The following KIF26B variants were observed in gnomAD, a reference collection of about 807,000 sequenced individuals.
KIF26B encodes kinesin-like protein KIF26B.
A neutral mutation model predicts 151.2 loss-of-function variants in KIF26B; 63 were observed. The ratio of observed to expected loss-of-function variants is 0.42; its 90% confidence interval spans 0.34 to 0.51. The LOEUF is 0.51. Among genes scored for constraint, KIF26B ranks in the 20% least tolerant of loss-of-function variants. The probability of loss-of-function intolerance (pLI) is 0.07; values close to 1 mark genes in which losing one functional copy is unlikely to be tolerated. For missense variants in KIF26B, 2,813 were observed against 2,913.6 expected (o/e 0.97, Z 0.79); for synonymous variants, 1,357 against 1,262.1 (o/e 1.08, Z -1.59).
intron 2 of KIF26B, among the ~76,000 whole-genome samples, chr1:245,212,125 C>T (rs1669547900): frequency 6.6e-6 from 1 of 152,194 alleles, no homozygotes; most frequent in Admixed American, 6.5e-5. Context: ...ATGCTCTAGG[C>T]AGAAGTGGGC....
chr1:245,548,396 A>G (rs1661799626), intron 5 of KIF26B, among the ~76,000 whole-genome samples: 1 of 152,194 alleles, frequency 6.6e-6, no homozygotes, highest in South Asian at 2.1e-4. Context: ...CAGTGAAAAC[A>G]TGGACGTGAC....
chr1:245,611,262 A>AT (rs1235576067), intron 8 of KIF26B, among the ~76,000 whole-genome samples: 2 of 152,202 alleles, frequency 1.3e-5, no homozygotes, highest in African/African-American at 2.4e-5. Context: ...ATGGCCTAAA[A>AT]TTGGCTTTAA....
At chr1:245,443,045 C>T (rs28655463) in intron 4 of KIF26B, among the ~76,000 whole-genome samples, 42 of 82,122 alleles carry the variant, frequency 5.1e-4, no homozygotes, top group East Asian at 9.6e-4. Flanking sequence ...CACTGTTCAC[C>T]TAGAGTGGTC....
intron 4 of KIF26B, among the ~76,000 whole-genome samples, chr1:245,473,247 G>C (rs1454367454): frequency 6.6e-6 from 1 of 152,180 alleles, no homozygotes; most frequent in East Asian, 1.9e-4. Context: ...AAACGCCTTT[G>C]TTTTGGAGGG....
chr1:245,490,603 A>G (rs757252897), intron 4 of KIF26B, among the ~76,000 whole-genome samples: 2 of 152,162 alleles, frequency 1.3e-5, no homozygotes, highest in East Asian at 1.9e-4. Flanking sequence ...GAGCCACCGC[A>G]CCTGGCCTGT....
intron 4 of KIF26B, among the ~76,000 whole-genome samples, chr1:245,517,026 T>G (rs1195416904): frequency 1.3e-5 from 2 of 152,194 alleles, no homozygotes; most frequent in Non-Finnish European, 1.5e-5. Flanking sequence ...AGGCAAACAT[T>G]TGCATTGTGG....
chr1:245,678,180 G>C (rs1288112309), intron 10 of KIF26B, among the ~76,000 whole-genome samples: 1 of 152,082 alleles, frequency 6.6e-6, no homozygotes, highest in Non-Finnish European at 1.5e-5. Context: ...TCAAAGCCGT[G>C]GTTCTGTCCC....
chr1:245,619,297 G>A (rs141001144), intron 9 of KIF26B, among the ~76,000 whole-genome samples: 2,769 of 152,328 alleles, frequency 0.018, 37 homozygotes, highest in South Asian at 0.054. Flanking sequence ...TGTCCGCTGC[G>A]TCAGTGCTCA....
At chr1:245,568,593 A>C (rs1459020106) in intron 5 of KIF26B, among the ~76,000 whole-genome samples, 2 of 152,250 alleles carry the variant, frequency 1.3e-5, no homozygotes, top group Non-Finnish European at 2.9e-5. Context: ...CAAAGGCATA[A>C]AAATGAACAG....
At chr1:245,277,158 C>T (rs1319681616) in intron 2 of KIF26B, among the ~76,000 whole-genome samples, 1 of 152,140 alleles carries the variant, frequency 6.6e-6, no homozygotes, top group Non-Finnish European at 1.5e-5. Context: ...TTTGCTGACA[C>T]CTTTGATTTT....
chr1:245,680,801 GAT>G (rs1395397698), intron 10 of KIF26B, among the ~76,000 whole-genome samples: 2 of 152,244 alleles, frequency 1.3e-5, no homozygotes, highest in African/African-American at 2.4e-5. Flanking sequence ...GAGGGGTGAA[GAT>G]ACTGAGTCGC....
intron 4 of KIF26B, among the ~76,000 whole-genome samples, chr1:245,500,623 G>A (rs548830726): frequency 4.9e-4 from 75 of 152,294 alleles, no homozygotes; most frequent in African/African-American, 1.8e-3. Context: ...CTGACTGAGG[G>A]TTCCTTCCAA....
At chr1:245,471,649 C>T (rs1025206051) in intron 4 of KIF26B, among the ~76,000 whole-genome samples, 6 of 152,090 alleles carry the variant, frequency 3.9e-5, no homozygotes, top group African/African-American at 1.4e-4. Context: ...CTCTATATCT[C>T]TTAGAGCTGT....
At chr1:245,196,724 G>A (rs1365764812) in intron 2 of KIF26B, among the ~76,000 whole-genome samples, 3 of 151,802 alleles carry the variant, frequency 2.0e-5, no homozygotes, top group Non-Finnish European at 4.4e-5. Context: ...ACTCTCCTTG[G>A]CTCCTACCAA....
intron 2 of KIF26B, among the ~76,000 whole-genome samples, chr1:245,339,290 C>G (rs1490364011): frequency 6.6e-6 from 1 of 152,192 alleles, no homozygotes; most frequent in Non-Finnish European, 1.5e-5. Context: ...TTAGGCTATT[C>G]TTGTGGCCTT....
intron 5 of KIF26B, among the ~76,000 whole-genome samples, chr1:245,586,919 A>G (rs1398850796): frequency 1.3e-5 from 2 of 151,798 alleles, no homozygotes; most frequent in Non-Finnish European, 2.9e-5. Flanking sequence ...ACATCAAACA[A>G]TACTCACTGA....
rs1395741693 is a variant in KIF26B, at chr1:245,687,184, C to T, written c.4201C>T (p.Pro1401Ser). Reference protein sequence around the residue: ...ITVYPCIAMSPRNIQEPEAPT... With the variant: ...ITVYPCIAMSSRNIQEPEAPT... Reference sequence around the variant, plus strand: ...AGTTTACCCCTGCATTGCCATGAGCCCCCGGAACATCCAAGAGCCGGAGGC... The same window carrying T: ...AGTTTACCCCTGCATTGCCATGAGCTCCCGGAACATCCAAGAGCCGGAGGC... The change falls in exon 12 of 15, where the codon CCC becomes TCC. Residue 1401 changes from proline to serine, a missense_variant. By Grantham distance (74) the Pro-to-Ser change is moderately conservative. Coordinates refer to ENST00000407071, the MANE Select transcript of KIF26B (RefSeq NM_018012.4). This position sits in a 1 kb window ranked among gnomAD's most constrained non-coding sequence, Gnocchi z 4.9. 8.1e-6 allele frequency: 13 copies of T among 1,612,958 alleles called. No homozygotes were observed. In the South Asian group the frequency reaches 9.9e-5, roughly 12 times the overall value.
chr1:245,691,971 G>C (rs2044631015), intron 12 of KIF26B, among the ~76,000 whole-genome samples: 1 of 152,092 alleles, frequency 6.6e-6, no homozygotes, highest in Non-Finnish European at 1.5e-5. Flanking sequence ...GTGACCTTTG[G>C]GGAATAACTG....
At chr1:245,342,220 A>G (rs1672349635) in intron 2 of KIF26B, among the ~76,000 whole-genome samples, 2 of 152,352 alleles carry the variant, frequency 1.3e-5, no homozygotes, top group South Asian at 4.2e-4. Context: ...TTTTTCACAC[A>G]TTTAACCAAG....
Sources: allele counts gnomAD v4.1 joint callset (sites outside exome capture counted in the v4.1 genomes callset), GRCh38; gene constraint gnomAD v4.1.1; non-coding constraint Gnocchi (gnomAD v3.1); transcripts MANE v1.5; gene names NCBI Gene and HGNC (gene_info 2026-07-23, HGNC 2026-07-21).